FCHO1: variants seen among roughly 807,000 people sequenced by gnomAD.
The protein encoded by FCHO1 is F-BAR domain only protein 1.
A neutral mutation model predicts 114.4 loss-of-function variants in FCHO1; 45 were observed. The ratio of observed to expected loss-of-function variants is 0.39; its 90% CI spans 0.31 to 0.50. FCHO1 has a LOEUF of 0.50. Among genes scored for constraint, FCHO1 ranks in the 20% least tolerant of loss-of-function variants. FCHO1 has a pLI of 0.77. For missense variants in FCHO1, 1,042 were observed against 1,209.6 expected, an observed-to-expected ratio of 0.86 and a Z score of 2.06; for synonymous variants, 480 against 488.9, an observed-to-expected ratio of 0.98 and a Z score of 0.24.
chr19:17,788,201 TGAAGCATCCCA>T, intron 28 of FCHO1, 72 bp from the exon 29 acceptor site: 1 of 1,005,108 alleles, frequency 9.9e-7, no homozygotes, highest in Non-Finnish European at 1.5e-6. Flanking sequence ...CAAGGATGAT[TGAAGCATCCCA>T]GGGTCAGAGC....
At chr19:17,780,943 C>G (rs1010487140) in intron 20 of FCHO1, among the ~76,000 whole-genome samples, 1 of 152,220 alleles carries the variant, frequency 6.6e-6, no homozygotes, top group African/African-American at 2.4e-5. Flanking sequence ...GCTGAACCCC[C>G]CTTACAGCAT....
chr19:17,777,017 C>T (rs1173713429), intron 18 of FCHO1, among the ~76,000 whole-genome samples: 7 of 151,258 alleles, frequency 4.6e-5, no homozygotes, highest in African/African-American at 1.2e-4. Flanking sequence ...CGGCTGGTCT[C>T]GAACTCCTGA....
Position 17,776,995 on chromosome 19 carries a change from A to G in FCHO1, c.1259+309A>G, listed in dbSNP as rs2092712558. 6.6e-6 allele frequency among the ~76,000 whole-genome samples: 1 copy of G among 151,698 alleles called. No individual in the cohort carries two copies. The highest frequency in any genetic ancestry group is 6.6e-5 in the Admixed American group (1 of 15,224). On this transcript the variant is annotated intron_variant, in intron 18 of 28. Transcript: ENST00000596536. This position sits in a 1 kb window ranked among gnomAD's most constrained non-coding sequence, Gnocchi z 4.4. Reference sequence around the variant, plus strand: ...GTATTTTTAGTAGAGACAGGGTTTCACCATGTTGGCCCGGCTGGTCTCGAA... The same window carrying G: ...GTATTTTTAGTAGAGACAGGGTTTCGCCATGTTGGCCCGGCTGGTCTCGAA...
At position 17,770,778 on chromosome 19, in the gene FCHO1, C is replaced by G; in HGVS notation, c.490-14C>G. On this transcript the variant is annotated splice_polypyrimidine_tract_variant and intron_variant, in intron 8 of 28. Transcript: ENST00000596536. Reference sequence around the variant, plus strand: ...ATCGCCCTCCCATCCCCGTTTCCTCCCTGTGCTTTGTAGGCGGAGACTAAA... The same window carrying G: ...ATCGCCCTCCCATCCCCGTTTCCTCGCTGTGCTTTGTAGGCGGAGACTAAA... 1 of 1,613,802 alleles carries G rather than the reference C, an allele frequency of 6.2e-7. No individual in the cohort carries two copies. Among genetic ancestry groups the G allele is most frequent in the Non-Finnish European group, 8.5e-7 (1 of 1,179,884 alleles).
At chr19:17,753,602 GTCTTGGGTGAC>G (rs1278138371) in intron 1 of FCHO1, 1 of 152,268 alleles carries the variant, frequency 6.6e-6, no homozygotes, top group Non-Finnish European at 1.5e-5. Context: ...CAAGTAGGAG[GTCTTGGGTGAC>G]TCACAGAAGT....
At position 17,775,356 on chromosome 19, in the gene FCHO1, G is replaced by A. The variant is rs2092471015; in HGVS notation, c.946-100G>A. On this transcript the variant is annotated intron_variant, in intron 14 of 28. Transcript: ENST00000596536. The surrounding 1 kb of genome is among the most constrained non-coding windows in gnomAD (Gnocchi z 5.1). ...GCCATCAGGGTTGGTTTTGAGGTCT[G>A]AGTCAAGGCCTGGGGGCAGGGCGGG... is the stretch of plus-strand genomic sequence containing the variant. 10 of 1,272,356 alleles carry A rather than the reference G, an allele frequency of 7.9e-6. No homozygotes were observed. Among genetic ancestry groups the A allele is most frequent in the Non-Finnish European group, 1.0e-5 (9 of 871,588 alleles). 78.8% of individuals were successfully genotyped at this position (1,272,356 alleles called of 1,614,324 possible). A position where few individuals can be genotyped will look rare whatever the true frequency, so the allele number is the denominator to read the frequency against.
chr19:17,764,518 C>G, intron 6 of FCHO1, 69 bp downstream of exon 6: 5 of 1,311,210 alleles, frequency 3.8e-6, no homozygotes, highest in Non-Finnish European at 5.3e-6. Flanking sequence ...TCTCTTCACA[C>G]TCGGTGCATG....
chr19:17,786,685 G>A, intron 27 of FCHO1, 56 bp downstream of exon 27: 1 of 1,558,960 alleles, frequency 6.4e-7, no homozygotes, highest in South Asian at 1.2e-5. Flanking sequence ...CAGGTGGGAG[G>A]CACTTATTTA....
At chr19:17,760,505 G>T (rs1028582209) in intron 4 of FCHO1, among the ~76,000 whole-genome samples, 5 of 152,240 alleles carry the variant, frequency 3.3e-5, no homozygotes, top group African/African-American at 1.2e-4. Flanking sequence ...GAGAGTGGCA[G>T]AAAAAGTTGC....
At chr19:17,774,323 G>A in intron 12 of FCHO1, 40 bp downstream of exon 12, 1 of 1,613,526 alleles carries the variant, frequency 6.2e-7, no homozygotes, top group Non-Finnish European at 8.5e-7. Context: ...CTGGACCATG[G>A]GGGTGAGGGA....
chr19:17,760,134 C>CTCTG (rs2146482085), intron 4 of FCHO1, among the ~76,000 whole-genome samples: 2 of 152,142 alleles, frequency 1.3e-5, no homozygotes, highest in South Asian at 4.1e-4. Context: ...TCACTACAAC[C>CTCTG]TCTGCCTCCC....
intron 26 of FCHO1, 113 bp downstream of exon 26, chr19:17,785,037 G>A (rs779189249): frequency 4.0e-6 from 4 of 1,009,736 alleles, no homozygotes; most frequent in Non-Finnish European, 5.9e-6. Context: ...TTAACTGTGA[G>A]CCCACCCTGC....
chr19:17,771,525 C>T (rs996751105), intron 9 of FCHO1, among the ~76,000 whole-genome samples: 9 of 151,362 alleles, frequency 5.9e-5, no homozygotes, highest in Non-Finnish European at 1.0e-4. Context: ...AAAAATTAGC[C>T]GGGCGTGGTG....
chr19:17,750,171 C>T (rs1389935778), upstream of FCHO1, among the ~76,000 whole-genome samples: 1 of 152,236 alleles, frequency 6.6e-6, no homozygotes, highest in African/African-American at 2.4e-5. Flanking sequence ...ACCTCTGAGT[C>T]AGCTGGCAAT....
chr19:17,784,594 C>T lies in FCHO1; in HGVS notation c.2227-131C>T. The T allele has an allele frequency of 1.1e-6, 1 of 881,022 alleles. No individual in the cohort carries two copies. Among genetic ancestry groups the T allele is most frequent in the South Asian group, 1.4e-5 (1 of 70,708 alleles). 54.6% of individuals were successfully genotyped at this position (881,022 alleles called of 1,614,324 possible). A position where few individuals can be genotyped will look rare whatever the true frequency, so the allele number is the denominator to read the frequency against. On this transcript the variant is annotated intron_variant, in intron 25 of 28. Transcript: ENST00000596536. The surrounding 1 kb of genome is among the most constrained non-coding windows in gnomAD (Gnocchi z 5.3). Reference sequence around the variant, plus strand: ...TGGTGTAATACAGCCTCTCATCCATCAAATCTCCCTGTGACTGGACCCCCT... The same window carrying T: ...TGGTGTAATACAGCCTCTCATCCATTAAATCTCCCTGTGACTGGACCCCCT...
In FCHO1 at chr19:17,776,346, C is replaced by A; in HGVS notation, c.1207+75C>A. On this transcript the variant is annotated intron_variant, in intron 17 of 28. Coordinates refer to ENST00000596536, the MANE Select transcript of FCHO1 (RefSeq NM_015122.3). The surrounding 1 kb of genome is among the most constrained non-coding windows in gnomAD (Gnocchi z 4.4). ...CTATGGGTTTGGGCTTGAATCATAA[C>A]TCCGTTTTGTAACTTTGGGCAGGCT... is the stretch of plus-strand genomic sequence containing the variant. 6.3e-7 allele frequency: 1 copy of A among 1,585,360 alleles called. No individual in the cohort carries two copies. Among genetic ancestry groups the A allele is most frequent in the Non-Finnish European group, 8.7e-7 (1 of 1,153,966 alleles).
chr19:17,764,580 G>A (rs1347711721), intron 6 of FCHO1, 131 bp downstream of exon 6: 4 of 693,738 alleles, frequency 5.8e-6, no homozygotes, highest in East Asian at 6.0e-5. Flanking sequence ...ATAGAGGGAT[G>A]TATATCATTC....
At position 17,755,257 on chromosome 19, in the gene FCHO1, A is replaced by G. The variant is rs1049412557; in HGVS notation, c.27+66A>G. 2.8e-5 allele frequency: 39 copies of G among 1,411,188 alleles called. No homozygotes were observed. The African/African-American group carries it at 5.3e-4, about 19-fold the overall frequency. 87.4% of individuals were successfully genotyped at this position (1,411,188 alleles called of 1,614,324 possible). A position where few individuals can be genotyped will look rare whatever the true frequency, so the allele number is the denominator to read the frequency against. ...CTGTGGGGACTTTTATGGAGATGGG[A>G]GGACTGGGTGAGTTGCGGTTACAGC... On this transcript the variant is annotated intron_variant, in intron 4 of 28. Transcript: ENST00000596536.
rs1316926852 is a variant in FCHO1, at chr19:17,776,854, G to A, written c.1259+168G>A. 6.6e-6 allele frequency among the ~76,000 whole-genome samples: 1 copy of A among 152,050 alleles called. No individual in the cohort carries two copies. The highest frequency in any genetic ancestry group is 1.5e-5 in the Non-Finnish European group (1 of 68,012). The stretch of plus-strand genomic sequence containing the variant: ...AGAGTCTCACTCTGTCACCCAGGCT[G>A]GAGTGCGATTTCAGCTCACTGCAAC... On this transcript the variant is annotated intron_variant, in intron 18 of 28. Coordinates refer to ENST00000596536, the MANE Select transcript of FCHO1 (RefSeq NM_015122.3). The surrounding 1 kb of genome is among the most constrained non-coding windows in gnomAD (Gnocchi z 4.4).
Sources: allele counts gnomAD v4.1 joint callset (sites outside exome capture counted in the v4.1 genomes callset), GRCh38; gene constraint gnomAD v4.1.1; non-coding constraint Gnocchi (gnomAD v3.1); transcripts MANE v1.5; gene names NCBI Gene and HGNC (gene_info 2026-07-23, HGNC 2026-07-21).